Variants in GFRA1 observed in about 807,000 individuals in gnomAD.
GFRA1 encodes GDNF family receptor alpha-1.
In GFRA1, 16 loss-of-function variants were observed where a neutral mutation model predicts 51.6. The observed-to-expected ratio is 0.31, with a 90% CI of 0.21 to 0.47. The LOEUF is 0.47. GFRA1 is among the 20% of genes least tolerant of loss of function. GFRA1 has a pLI of 1.00. For missense variants in GFRA1, 530 were observed against 594.3 expected (o/e 0.89, Z 1.13); for synonymous variants, 270 against 241.3 (o/e 1.12, Z -1.10).
chr10:116,259,345 T>C (rs555577578), intron 4 of GFRA1, among the ~76,000 whole-genome samples: 78 of 124,346 alleles, frequency 6.3e-4, no homozygotes, highest in African/African-American at 2.2e-3. Flanking sequence ...TTTTTAACAT[T>C]GTGTAATGCT....
chr10:116,159,271 C>T (rs1959494151), intron 5 of GFRA1, among the ~76,000 whole-genome samples: 1 of 152,172 alleles, frequency 6.6e-6, no homozygotes, highest in Non-Finnish European at 1.5e-5. Context: ...TGGCCCAGCT[C>T]GTTCTAGTCT....
chr10:116,064,501 G>T lies in GFRA1; in HGVS notation c.1295C>A (p.Thr432Asn). The change falls in exon 11 of 11, where the codon ACC becomes AAC. Residue 432 changes from threonine to asparagine, a missense_variant. Coordinates refer to ENST00000355422, the MANE Select transcript of GFRA1 (RefSeq NM_005264.8). ...TGGAGGAGCAGCCATTGATTTTGTGGTTATGTGGCTGGAAGCACCGAGACC... is the reference window on the plus strand; with the variant it reads ...TGGAGGAGCAGCCATTGATTTTGTGTTTATGTGGCTGGAAGCACCGAGACC... ...KEGLGASSHI[T>N]TKSMAAPPSC... is the part of the protein sequence containing the mutation. The T allele has an allele frequency of 1.2e-6, 2 of 1,613,158 alleles. No individual in the cohort carries two copies. The highest frequency in any genetic ancestry group is 1.7e-4 in the Middle Eastern group (1 of 5,974).
At chr10:116,111,726 C>CCAG (rs1403500560) in intron 6 of GFRA1, among the ~76,000 whole-genome samples, 1 of 152,170 alleles carries the variant, frequency 6.6e-6, no homozygotes, top group Non-Finnish European at 1.5e-5. Flanking sequence ...TAAGCCCAGA[C>CCAG]CAGCAGCAGC....
At chr10:116,107,843 A>G (rs1957061862) in intron 6 of GFRA1, among the ~76,000 whole-genome samples, 1 of 152,210 alleles carries the variant, frequency 6.6e-6, no homozygotes, top group African/African-American at 2.4e-5. Context: ...TTCCTCAGTC[A>G]AACTTTGCTT....
intron 6 of GFRA1, among the ~76,000 whole-genome samples, chr10:116,112,067 G>A (rs1957235190): frequency 6.6e-6 from 1 of 152,212 alleles, no homozygotes; most frequent in Non-Finnish European, 1.5e-5. Flanking sequence ...TAGGAAAAAA[G>A]CAAATGTTCT....
chr10:116,140,228 G>A (rs988575280), intron 5 of GFRA1, among the ~76,000 whole-genome samples: 7 of 152,170 alleles, frequency 4.6e-5, no homozygotes, highest in South Asian at 2.1e-4. Context: ...TGAGCCTTCC[G>A]GGAAGTTCTT....
At chr10:116,164,354 C>A (rs1468320482) in intron 5 of GFRA1, among the ~76,000 whole-genome samples, 10 of 151,950 alleles carry the variant, frequency 6.6e-5, no homozygotes, top group Admixed American at 6.5e-4. Flanking sequence ...AACACTAACC[C>A]CCAAAAACCT....
chr10:116,204,073 G>C (rs1426596289), intron 5 of GFRA1, among the ~76,000 whole-genome samples: 1 of 152,246 alleles, frequency 6.6e-6, no homozygotes, highest in Non-Finnish European at 1.5e-5. Context: ...GCCTTGGAAA[G>C]TGTCAAGGAT....
intron 8 of GFRA1, among the ~76,000 whole-genome samples, chr10:116,091,866 G>C (rs1025473864): frequency 6.6e-6 from 1 of 152,060 alleles, no homozygotes; most frequent in Admixed American, 6.6e-5. Flanking sequence ...CAGACAAAAT[G>C]CATTTATTTT....
At chr10:116,181,152 TATA>T (rs757914296) in intron 5 of GFRA1, among the ~76,000 whole-genome samples, 4 of 152,154 alleles carry the variant, frequency 2.6e-5, no homozygotes, top group Admixed American at 6.5e-5. Flanking sequence ...TGCCTATAGG[TATA>T]ATAAGGTGCT....
intron 4 of GFRA1, among the ~76,000 whole-genome samples, chr10:116,227,786 C>T (rs1966403271): frequency 1.3e-5 from 2 of 152,186 alleles, no homozygotes; most frequent in South Asian, 4.1e-4. Flanking sequence ...ATGTCAGATC[C>T]ATTTTCTCCA....
At chr10:116,164,420 C>A (rs544237867) in intron 5 of GFRA1, among the ~76,000 whole-genome samples, 3 of 151,814 alleles carry the variant, frequency 2.0e-5, no homozygotes, top group African/African-American at 7.2e-5. Flanking sequence ...CTTTTGTGCT[C>A]TTGGTCTTGC....
intron 9 of GFRA1, among the ~76,000 whole-genome samples, chr10:116,069,020 G>A (rs1030918772): frequency 1.3e-5 from 2 of 152,122 alleles, no homozygotes; most frequent in Admixed American, 1.3e-4. Flanking sequence ...TAAAACCAAG[G>A]GTGCAATAAT....
chr10:116,211,685 G>A, intron 4 of GFRA1, 40 bp from the exon 5 acceptor site: 1 of 1,493,306 alleles, frequency 6.7e-7, no homozygotes, highest in East Asian at 2.5e-5. Context: ...GGAGAGGGGA[G>A]AAAGAGAGGA....
At chr10:116,200,074 G>A (rs2577379) in intron 5 of GFRA1, among the ~76,000 whole-genome samples, 4,036 of 152,298 alleles carry the variant, frequency 0.027, 135 homozygotes, top group African/African-American at 0.076. Context: ...GTTGAGTAGT[G>A]TTCCATTTGA....
chr10:116,200,935 G>A (rs574820221), intron 5 of GFRA1, among the ~76,000 whole-genome samples: 1 of 152,310 alleles, frequency 6.6e-6, no homozygotes, highest in Admixed American at 6.5e-5. Flanking sequence ...CACACAGTAA[G>A]TCAGTTAGTT....
intron 4 of GFRA1, among the ~76,000 whole-genome samples, chr10:116,254,813 A>G (rs1445047712): frequency 6.6e-6 from 1 of 152,240 alleles, no homozygotes; most frequent in East Asian, 1.9e-4. Flanking sequence ...CCAGATCCTC[A>G]GAAAACCGCC....
chr10:116,059,103 A>AT lies in GFRA1; in HGVS notation c.*5294dup, dbSNP rs1228216186. 6.6e-6 allele frequency: 1 copy of AT among 152,344 alleles called. No homozygotes were observed. Among genetic ancestry groups the AT allele is most frequent in the Admixed American group, 6.5e-5 (1 of 15,298 alleles). The allele number at this position is 152,344 out of a possible 1,614,324, so 9.4% of individuals were successfully genotyped here. On this transcript the variant is annotated 3_prime_UTR_variant, in exon 11 of 11. Transcript: ENST00000355422. ...ACCCTCAAAAACCTCAGGAGGACAC[A>AT]TTCAGGGTCAATACAGCTCAATGCC...
intron 5 of GFRA1, among the ~76,000 whole-genome samples, chr10:116,178,053 G>A (rs991967614): frequency 2.6e-5 from 4 of 152,156 alleles, no homozygotes; most frequent in African/African-American, 7.2e-5. Flanking sequence ...CTGAGTATGC[G>A]CAGTTGACAT....
Sources: gnomAD v4.1 joint callset for allele counts (sites outside exome capture counted in the v4.1 genomes callset) on GRCh38, gnomAD v4.1.1 for gene constraint, MANE v1.5 for transcripts, NCBI Gene and HGNC (gene_info 2026-07-23, HGNC 2026-07-21) for gene names.